ACAD9: variants seen among roughly 807,000 people sequenced by gnomAD.
ACAD9 encodes the protein acyl-CoA dehydrogenase family member 9, also known as complex I assembly factor ACAD9, mitochondrial.
In ACAD9, 53 loss-of-function variants were observed where a neutral mutation model predicts 70.2. The observed-to-expected ratio is 0.75, with a 90% CI of 0.61 to 0.95. The LOEUF (loss-of-function observed/expected upper bound fraction) is 0.95, where lower values mean the gene tolerates loss of function less well. Among genes scored for constraint, ACAD9 ranks in the 40% least tolerant of loss-of-function variants. The probability of loss-of-function intolerance (pLI) is 0.00; values close to 1 mark genes in which losing one functional copy is unlikely to be tolerated. For missense variants in ACAD9, 777 were observed against 802.8 expected (o/e 0.97, Z 0.39); for synonymous variants, 313 against 312.1 (o/e 1.00, Z -0.03).
At chr3:128,898,131 A>G (rs559354129) in intron 6 of ACAD9, among the ~76,000 whole-genome samples, 65 of 152,248 alleles carry the variant, frequency 4.3e-4, no homozygotes, top group African/African-American at 1.5e-3. Flanking sequence ...TGCTGAGTTT[A>G]CAGGCAATGA....
rs1935169942 is a variant in ACAD9, at chr3:128,883,951, C to T, written c.151-702C>T. Among the ~76,000 whole-genome samples, 3 of 152,170 alleles carry T rather than the reference C, an allele frequency of 2.0e-5. No homozygotes were observed. The South Asian group carries it at 6.2e-4, about 32-fold the overall frequency. On this transcript the variant is annotated intron_variant, in intron 1 of 17. Transcript: ENST00000308982. Reference sequence around the variant, plus strand: ...TTGGGCTTATAGCTCTGACTCAGGACATCACTGCTCAACAGCCTGAAGCCC... The same window carrying T: ...TTGGGCTTATAGCTCTGACTCAGGATATCACTGCTCAACAGCCTGAAGCCC...
chr3:128,880,572 C>T (rs2107637742), intron 1 of ACAD9, among the ~76,000 whole-genome samples: 1 of 150,346 alleles, frequency 6.7e-6, no homozygotes, highest in South Asian at 2.1e-4. Flanking sequence ...GTATTTTTAG[C>T]AGAGACGGGG....
chr3:128,899,519 T>C, intron 7 of ACAD9, 58 bp downstream of exon 7: 3 of 1,542,000 alleles, frequency 1.9e-6, no homozygotes. Flanking sequence ...GACTGGCCTT[T>C]GACGGTGTGT....
At position 128,913,022 on chromosome 3, in the gene ACAD9, G is replaced by A; in HGVS notation, c.*415G>A. 1 of 458,364 alleles carries A rather than the reference G, an allele frequency of 2.2e-6. No homozygotes were observed. Among genetic ancestry groups the A allele is most frequent in the South Asian group, 1.5e-5 (1 of 64,538 alleles). 28.4% of individuals were successfully genotyped at this position (458,364 alleles called of 1,614,324 possible). A position where few individuals can be genotyped will look rare whatever the true frequency, so the allele number is the denominator to read the frequency against. ...GAAACAGCTTGAAAGCTCTGTCTGGGTCATTCATTTAAACTAGAAGCAGAG... is the reference window on the plus strand; with the variant it reads ...GAAACAGCTTGAAAGCTCTGTCTGGATCATTCATTTAAACTAGAAGCAGAG... On this transcript the variant is annotated 3_prime_UTR_variant, in exon 18 of 18. Coordinates refer to ENST00000308982, the MANE Select transcript of ACAD9 (RefSeq NM_014049.5).
intron 2 of ACAD9, among the ~76,000 whole-genome samples, chr3:128,893,266 C>T (rs1254080113): frequency 6.6e-6 from 1 of 151,984 alleles, no homozygotes; most frequent in Non-Finnish European, 1.5e-5. Context: ...AGGAGGCTCA[C>T]TTGAGCCTGG....
At chr3:128,898,320 C>T (rs1440744902) in intron 6 of ACAD9, 2 of 414,966 alleles carry the variant, frequency 4.8e-6, no homozygotes, top group Non-Finnish European at 9.5e-6. Context: ...CAGCATGCCT[C>T]TCTAAAAGAC....
intron 12 of ACAD9, 59 bp downstream of exon 12, chr3:128,906,308 GATGCTGCTCA>G: frequency 6.2e-7 from 1 of 1,606,602 alleles, no homozygotes; most frequent in Non-Finnish European, 8.5e-7. Flanking sequence ...TGGTCCTAAA[GATGCTGCTCA>G]GGGCCTCGCA....
chr3:128,890,267 G>T (rs749285897), intron 2 of ACAD9, among the ~76,000 whole-genome samples: 1 of 152,128 alleles, frequency 6.6e-6, no homozygotes, highest in Non-Finnish European at 1.5e-5. Flanking sequence ...GGTATTTTGA[G>T]TAGAGAAGGG....
intron 4 of ACAD9, 79 bp from the exon 5 acceptor site, chr3:128,896,357 A>G (rs1935570100): frequency 1.4e-6 from 2 of 1,429,530 alleles, no homozygotes. Flanking sequence ...TATTTGCCTC[A>G]GAAAGGAAAT....
At chr3:128,906,382 C>A in intron 12 of ACAD9, 133 bp downstream of exon 12, 1 of 1,373,492 alleles carries the variant, frequency 7.3e-7, no homozygotes, top group East Asian at 2.3e-5. Context: ...TCTCCTAGCC[C>A]TGGCACGTCT....
chr3:128,901,452 A>G, intron 8 of ACAD9, 103 bp downstream of exon 8: 2 of 1,290,166 alleles, frequency 1.6e-6, no homozygotes, highest in Non-Finnish European at 2.3e-6. Flanking sequence ...TAGCCTGTGC[A>G]TGGCAGGTGA....
chr3:128,910,834 G>T (rs2107666834), intron 17 of ACAD9, 21 bp downstream of exon 17: 1 of 1,613,788 alleles, frequency 6.2e-7, no homozygotes. Context: ...TGTCTTGGGG[G>T]AGGGAAGGAA....
At position 128,910,073 on chromosome 3, in the gene ACAD9, A is replaced by T; in HGVS notation, c.1616A>T (p.Asn539Ile). Reference protein sequence around the residue: ...VLKRVANILINLYGMTAVLSR... With the variant: ...VLKRVANILIILYGMTAVLSR... ...AAGCGGGTGGCCAACATCCTCATCAACCTGTATGGCATGACGGCCGTGCTG... is the reference window on the plus strand; with the variant it reads ...AAGCGGGTGGCCAACATCCTCATCATCCTGTATGGCATGACGGCCGTGCTG... The change falls in exon 16 of 18, where the codon AAC becomes ATC. Residue 539 changes from asparagine to isoleucine, a missense_variant. Transcript: ENST00000308982. 1.2e-6 allele frequency: 2 copies of T among 1,613,922 alleles called. No homozygotes were observed. The highest frequency in any genetic ancestry group is 1.7e-6 in the Non-Finnish European group (2 of 1,179,980).
chr3:128,900,524 CTTT>C (rs1168732085), intron 7 of ACAD9, among the ~76,000 whole-genome samples: 3 of 140,408 alleles, frequency 2.1e-5, no homozygotes, highest in African/African-American at 2.6e-5. Flanking sequence ...CGCACCCGGC[CTTT>C]TTTTTTTTTT....
At chr3:128,896,315 A>C (rs908540619) in intron 4 of ACAD9, 121 bp from the exon 5 acceptor site, 2 of 1,094,222 alleles carry the variant, frequency 1.8e-6, no homozygotes, top group Non-Finnish European at 2.7e-6. Flanking sequence ...GCTTGCTCTG[A>C]GTTCTTGCTG....
At chr3:128,897,481 G>T in intron 5 of ACAD9, 151 bp from the exon 6 acceptor site, 1 of 720,716 alleles carries the variant, frequency 1.4e-6, no homozygotes, top group Non-Finnish European at 2.5e-6. Context: ...CAGACATCCT[G>T]CAGCTTGGAA....
chr3:128,904,287 G>A (rs996933198), intron 10 of ACAD9, 99 bp from the exon 11 acceptor site: 1 of 1,605,690 alleles, frequency 6.2e-7, no homozygotes, highest in Non-Finnish European at 8.5e-7. Context: ...GCTTCTCTTG[G>A]GCATTGAGGC....
chr3:128,894,737 G>A (rs963437336), intron 3 of ACAD9, among the ~76,000 whole-genome samples: 2 of 151,854 alleles, frequency 1.3e-5, no homozygotes, highest in African/African-American at 4.8e-5. Flanking sequence ...GTCCTGCTAT[G>A]TTGCCCAGGC....
rs905319036 is a variant in ACAD9 at position 128,906,387 on chromosome 3, A to G, written c.1278+138A>G. The stretch of plus-strand genomic sequence containing the variant: ...TCTCAGGGGCTCTCCTAGCCCTGGC[A>G]CGTCTCCTTCCCGACTGCTGCCCTC... On this transcript the variant is annotated intron_variant, in intron 12 of 17. Coordinates refer to ENST00000308982, the MANE Select transcript of ACAD9 (RefSeq NM_014049.5). The G allele has an allele frequency of 8.2e-6, 11 of 1,346,860 alleles. No individual in the cohort carries two copies. The East Asian group carries it at 2.4e-4, about 29-fold the overall frequency. 83.4% of individuals were successfully genotyped at this position (1,346,860 alleles called of 1,614,324 possible).
Sources: gnomAD v4.1 joint callset for allele counts (sites outside exome capture counted in the v4.1 genomes callset) on GRCh38, gnomAD v4.1.1 for gene constraint, MANE v1.5 for transcripts, NCBI Gene and HGNC (gene_info 2026-07-23, HGNC 2026-07-21) for gene names.